Variants in HIBCH observed in about 807,000 individuals in gnomAD.
HIBCH encodes the protein 3-hydroxyisobutyryl-CoA hydrolase, mitochondrial.
In HIBCH, 50 loss-of-function variants were observed where a neutral mutation model predicts 58.2. That is an observed-to-expected ratio of 0.86 (90% CI 0.68 to 1.09). The LOEUF is 1.09. HIBCH is among the 50% of genes least tolerant of loss of function. HIBCH has a pLI of 0.00. For missense variants in HIBCH, 450 were observed against 449.7 expected, an observed-to-expected ratio of 1.00 and a Z score of -0.01; for synonymous variants, 151 against 146.9, an observed-to-expected ratio of 1.03 and a Z score of -0.20.
chr2:190,260,885 A>G (rs1687069297), intron 7 of HIBCH, among the ~76,000 whole-genome samples: 1 of 152,178 alleles, frequency 6.6e-6, no homozygotes, highest in Admixed American at 6.5e-5. Flanking sequence ...GCAAAAATAT[A>G]TTCCCTTAAT....
intron 11 of HIBCH, among the ~76,000 whole-genome samples, chr2:190,232,212 T>G (rs1686121379): frequency 6.6e-6 from 1 of 152,154 alleles, no homozygotes; most frequent in Non-Finnish European, 1.5e-5. Context: ...TTTTTTTTAA[T>G]TTCAATTTTA....
At chr2:190,264,311 T>C (rs1466313923) in intron 6 of HIBCH, among the ~76,000 whole-genome samples, 2 of 151,722 alleles carry the variant, frequency 1.3e-5, no homozygotes, top group Non-Finnish European at 2.9e-5. Flanking sequence ...TCTTGATGTA[T>C]AATATCCACT....
At position 190,233,919 on chromosome 2, in the gene HIBCH, A is replaced by C. The variant is rs548118293; in HGVS notation, c.891+10968T>G. 9.3e-4 allele frequency among the ~76,000 whole-genome samples: 142 copies of C among 152,342 alleles called. 3 individuals carry two copies. In the South Asian group the frequency reaches 0.021, roughly 22 times the overall value. ...ACGCCTGTAATCCCAGCACTTTGGG[A>C]GGCCAAGGCAGGTGGATCACATGAG... On this transcript the variant is annotated intron_variant, in intron 11 of 13. Coordinates refer to ENST00000359678, the MANE Select transcript of HIBCH (RefSeq NM_014362.4).
intron 2 of HIBCH, among the ~76,000 whole-genome samples, chr2:190,302,762 G>C (rs1358475215): frequency 6.6e-6 from 1 of 152,090 alleles, no homozygotes; most frequent in African/African-American, 2.4e-5. Flanking sequence ...CTAGTCATTG[G>C]GGGGAACAGG....
chr2:190,300,167 C>T (rs1490308843), intron 2 of HIBCH, among the ~76,000 whole-genome samples: 1 of 152,118 alleles, frequency 6.6e-6, no homozygotes, highest in Non-Finnish European at 1.5e-5. Context: ...ATTTATATTC[C>T]CTTAGGTATA....
intron 7 of HIBCH, among the ~76,000 whole-genome samples, chr2:190,259,361 G>GTGTGTGTGTGTT (rs1553501630): frequency 7.0e-6 from 1 of 142,342 alleles, no homozygotes; most frequent in Admixed American, 6.9e-5. Flanking sequence ...GTGTGTGTGT[G>GTGTGTGTGTGTT]TGTGTGTCTG....
At position 190,208,663 on chromosome 2, in the gene HIBCH, G is replaced by A. The variant is rs1030386679; in HGVS notation, c.1045+217C>T. 119 of 557,128 alleles carry A rather than the reference G, an allele frequency of 2.1e-4. No individual in the cohort carries two copies. The African/African-American group carries it at 2.7e-3, about 12-fold the overall frequency. 34.5% of individuals were successfully genotyped at this position (557,128 alleles called of 1,614,324 possible). ...ATGCTTGGGATCAGAAGTGTTTCAG[G>A]TTTGATTTTTTTTTTTTTTTTCAGA... On this transcript the variant is annotated intron_variant, in intron 13 of 13. Transcript: ENST00000359678.
chr2:190,200,608 A>G (rs1173171343), downstream of HIBCH: 1 of 176,116 alleles, frequency 5.7e-6, no homozygotes, highest in African/African-American at 2.4e-5. Context: ...GATTAACAGT[A>G]AGTCTTGTTT....
At position 190,252,319 on chromosome 2, in the gene HIBCH, T is replaced by C. The variant is rs374867624; in HGVS notation, c.518-12A>G. The C allele has an allele frequency of 4.1e-5, 66 of 1,609,936 alleles. No homozygotes were observed. In the African/African-American group the frequency reaches 7.7e-4, roughly 19 times the overall value. On this transcript the variant is annotated splice_polypyrimidine_tract_variant and intron_variant, in intron 7 of 13. Coordinates refer to ENST00000359678, the MANE Select transcript of HIBCH (RefSeq NM_014362.4). ...ATCAGGGAACAGTCCTGTAATTAAA[T>C]GTAACAAAAAGAGATAATGGTGATT...
chr2:190,297,043 G>T, intron 2 of HIBCH, 90 bp from the exon 3 acceptor site: 1 of 1,179,916 alleles, frequency 8.5e-7, no homozygotes, highest in East Asian at 2.4e-5. Context: ...TGCAAATCTT[G>T]CATATTAATG....
chr2:190,212,447 T>C (rs1690534819), intron 12 of HIBCH, among the ~76,000 whole-genome samples: 1 of 152,212 alleles, frequency 6.6e-6, no homozygotes, highest in Non-Finnish European at 1.5e-5. Context: ...TAAATATAAA[T>C]ATGAGATGTT....
chr2:190,231,286 T>C (rs185554652), intron 11 of HIBCH, among the ~76,000 whole-genome samples: 1 of 152,314 alleles, frequency 6.6e-6, no homozygotes, highest in Non-Finnish European at 1.5e-5. Context: ...CAGGAAGATA[T>C]TCTGCAAGTA....
intron 6 of HIBCH, among the ~76,000 whole-genome samples, chr2:190,268,483 T>C (rs1687301884): frequency 6.6e-6 from 1 of 152,250 alleles, no homozygotes; most frequent in Admixed American, 6.5e-5. Context: ...ATTTAAGTTT[T>C]TGGCATCCCT....
Position 190,249,645 on chromosome 2 carries a change from T to C in HIBCH, c.745A>G (p.Thr249Ala), listed in dbSNP as rs750854285. The C allele has an allele frequency of 7.1e-6, 11 of 1,556,732 alleles. No individual in the cohort carries two copies. Among genetic ancestry groups the C allele is most frequent in the South Asian group, 2.2e-5 (2 of 89,802 alleles). The change falls in exon 9 of 14, where the codon ACA becomes GCA. Residue 249 changes from threonine to alanine, a missense_variant. Transcript: ENST00000359678. ...NIASVLENYH[T>A]ESKIDRDKSF... Reference sequence around the variant, plus strand: ...TAGAATATTAACAAGATTACCTCTGTATGGTAATTTTCTAAGACAGATGCA... The same window carrying C: ...TAGAATATTAACAAGATTACCTCTGCATGGTAATTTTCTAAGACAGATGCA...
chr2:190,282,843 CAAAAA>C (rs58381283), intron 6 of HIBCH, among the ~76,000 whole-genome samples: 212 of 140,172 alleles, frequency 1.5e-3, no homozygotes, highest in Middle Eastern at 3.9e-3. Flanking sequence ...ACGAGAAGGC[CAAAAA>C]AAAAAAAAAA....
intron 1 of HIBCH, among the ~76,000 whole-genome samples, chr2:190,194,817 TA>T (rs1396356435): frequency 6.6e-6 from 1 of 152,074 alleles, no homozygotes; most frequent in African/African-American, 2.4e-5. Flanking sequence ...CTTAACTTAG[TA>T]ATAAGTATTT....
chr2:190,249,635 AT>A lies in HIBCH; in HGVS notation c.750+4del. The A allele has an allele frequency of 6.5e-7, 1 of 1,529,606 alleles. No homozygotes were observed. The highest frequency in any genetic ancestry group is 9.1e-7 in the Non-Finnish European group (1 of 1,103,536). The allele number at this position is 1,529,606 out of a possible 1,614,324, so 94.8% of individuals were successfully genotyped here. A position where few individuals can be genotyped will look rare whatever the true frequency, so the allele number is the denominator to read the frequency against. On this transcript the variant is annotated splice_donor_region_variant and intron_variant, in intron 9 of 13. Transcript: ENST00000359678. ...AACCTGAGGTTAGAATATTAACAAG[AT>A]TACCTCTGTATGGTAATTTTCTAAG... is the stretch of plus-strand genomic sequence containing the variant.
At chr2:190,288,326 T>C (rs528880912) in intron 5 of HIBCH, among the ~76,000 whole-genome samples, 30 of 151,542 alleles carry the variant, frequency 2.0e-4, no homozygotes, top group African/African-American at 6.8e-4. Context: ...CTAAAATTCA[T>C]ATGGAAGATC....
chr2:190,316,125 C>T (rs960602672), intron 1 of HIBCH, among the ~76,000 whole-genome samples: 2 of 152,062 alleles, frequency 1.3e-5, no homozygotes, highest in African/African-American at 4.8e-5. Context: ...TGGTCAGCAG[C>T]ATTTTATTTT....
Sources: gnomAD v4.1 joint callset for allele counts (sites outside exome capture counted in the v4.1 genomes callset) on GRCh38, gnomAD v4.1.1 for gene constraint, MANE v1.5 for transcripts, NCBI Gene and HGNC (gene_info 2026-07-23, HGNC 2026-07-21) for gene names.